Variants in CAMK4 observed in about 807,000 individuals in gnomAD.
The protein encoded by CAMK4 is calcium/calmodulin-dependent protein kinase type IV.
Under a neutral mutation model 44.9 loss-of-function variants are expected in CAMK4, and 22 were observed. That is an observed-to-expected ratio of 0.49 (90% CI 0.35 to 0.70). CAMK4 has a LOEUF of 0.70. CAMK4 is among the 30% of genes least tolerant of loss of function. The probability of loss-of-function intolerance (pLI) is 0.01; values close to 1 mark genes in which losing one functional copy is unlikely to be tolerated. For synonymous variants in CAMK4, 218 were observed against 215.4 expected (o/e 1.01, Z -0.11); for missense variants, 498 against 586.8 (o/e 0.85, Z 1.56).
At chr5:111,395,226 A>G (rs141278112) in intron 5 of CAMK4, among the ~76,000 whole-genome samples, 2 of 107,174 alleles carry the variant, frequency 1.9e-5, no homozygotes, top group Non-Finnish European at 3.7e-5. Flanking sequence ...AAAAAAAAAA[A>G]AGAAAAAAAA....
At chr5:111,442,517 CATATATATAT>C (rs58032491) in intron 5 of CAMK4, among the ~76,000 whole-genome samples, 56 of 142,072 alleles carry the variant, frequency 3.9e-4, no homozygotes, top group African/African-American at 1.3e-3. Flanking sequence ...AAAACCAAAA[CATATATATAT>C]ATATATATAT....
At chr5:111,229,958 AG>A (rs779377353) in intron 1 of CAMK4, among the ~76,000 whole-genome samples, 1 of 152,330 alleles carries the variant, frequency 6.6e-6, no homozygotes, top group East Asian at 1.9e-4. Flanking sequence ...CATGTCTAGC[AG>A]AGCACTTAGT....
intron 2 of CAMK4, 96 bp from the exon 3 acceptor site, chr5:111,374,754 G>T (rs1470854414): frequency 1.3e-6 from 1 of 759,058 alleles, no homozygotes; most frequent in Non-Finnish European, 2.4e-6. Context: ...TCTGCGAATT[G>T]CCTGATTCAC....
intron 5 of CAMK4, among the ~76,000 whole-genome samples, chr5:111,415,770 T>C (rs1752792858): frequency 6.6e-6 from 1 of 152,208 alleles, no homozygotes; most frequent in Non-Finnish European, 1.5e-5. Flanking sequence ...TATAAATCTC[T>C]AGGTTCCACA....
chr5:111,413,361 G>A (rs1362446262), intron 5 of CAMK4, among the ~76,000 whole-genome samples: 1 of 152,036 alleles, frequency 6.6e-6, no homozygotes, highest in Non-Finnish European at 1.5e-5. Flanking sequence ...GGCAGATCTC[G>A]AGGTCAGGAG....
rs1755804158 is a variant in CAMK4, at chr5:111,491,019, A to T, written c.*6553A>T. The T allele has an allele frequency of 6.6e-6, 1 of 152,200 alleles. No individual in the cohort carries two copies. Among genetic ancestry groups the T allele is most frequent in the South Asian group, 2.1e-4 (1 of 4,834 alleles). 9.4% of individuals were successfully genotyped at this position (152,200 alleles called of 1,614,324 possible). ...AAGATTATTAGTAAACAAATTAGTTATTTATGCTCTTACTTGAATGTCAGT... is the reference window on the plus strand; with the variant it reads ...AAGATTATTAGTAAACAAATTAGTTTTTTATGCTCTTACTTGAATGTCAGT... On this transcript the variant is annotated 3_prime_UTR_variant, in exon 11 of 11. Coordinates refer to ENST00000282356, the MANE Select transcript of CAMK4 (RefSeq NM_001744.6).
intron 4 of CAMK4, among the ~76,000 whole-genome samples, chr5:111,391,059 G>T (rs146216166): frequency 1.5e-3 from 222 of 152,278 alleles, no homozygotes; most frequent in African/African-American, 5.0e-3. Flanking sequence ...TACAAGGGGT[G>T]CACCTGCAGT....
chr5:111,301,012 A>G (rs940278053), intron 1 of CAMK4, among the ~76,000 whole-genome samples: 1 of 152,100 alleles, frequency 6.6e-6, no homozygotes, highest in African/African-American at 2.4e-5. Flanking sequence ...CAAATTTGCA[A>G]TTTGAACTGA....
chr5:111,288,679 T>C (rs960714984), intron 1 of CAMK4, among the ~76,000 whole-genome samples: 11 of 152,238 alleles, frequency 7.2e-5, no homozygotes, highest in African/African-American at 2.7e-4. Context: ...TTTCCTCTTA[T>C]GGCAGAACAT....
Position 111,317,125 on chromosome 5 carries a change from A to G in CAMK4, c.162-26899A>G, listed in dbSNP as rs1250251911. ...ACCGAAGACACCATGGGCTTCTGAT[A>G]CCTGTAAGAGGGACTAAATATTAAT... On this transcript the variant is annotated intron_variant, in intron 1 of 10. Transcript: ENST00000282356. Among the ~76,000 whole-genome samples, 4 of 152,250 alleles carry G rather than the reference A, an allele frequency of 2.6e-5. No homozygotes were observed. The East Asian group carries it at 7.7e-4, about 29-fold the overall frequency.
chr5:111,427,406 A>G lies in CAMK4; in HGVS notation c.460-19280A>G, dbSNP rs564502190. On this transcript the variant is annotated intron_variant, in intron 5 of 10. Transcript: ENST00000282356. Reference sequence around the variant, plus strand: ...CCTGTGAAAGTTTCTGGCTTCAGATACCACCACCACCTCAGCGGGGGTAGA... The same window carrying G: ...CCTGTGAAAGTTTCTGGCTTCAGATGCCACCACCACCTCAGCGGGGGTAGA... Among the ~76,000 whole-genome samples, 20 of 152,276 alleles carry G rather than the reference A, an allele frequency of 1.3e-4. 1 individual carries two copies. In the South Asian group the frequency reaches 1.9e-3, roughly 14 times the overall value.
At chr5:111,310,177 C>T (rs1748139007) in intron 1 of CAMK4, among the ~76,000 whole-genome samples, 1 of 152,152 alleles carries the variant, frequency 6.6e-6, no homozygotes, top group Admixed American at 6.6e-5. Context: ...CCTGTATCCC[C>T]ACCTGTGCAA....
At chr5:111,436,034 A>T (rs905957059) in intron 5 of CAMK4, among the ~76,000 whole-genome samples, 1 of 152,120 alleles carries the variant, frequency 6.6e-6, no homozygotes, top group African/African-American at 2.4e-5. Flanking sequence ...CTAGACACCT[A>T]GCTTTTTCTG....
At chr5:111,403,495 G>C (rs1170341596) in intron 5 of CAMK4, among the ~76,000 whole-genome samples, 2 of 152,100 alleles carry the variant, frequency 1.3e-5, no homozygotes, top group East Asian at 3.9e-4. Flanking sequence ...AGTTTTAAGA[G>C]TTGAAGCACT....
chr5:111,443,267 TATATATATATATACACACAC>T (rs1482773892), intron 5 of CAMK4, among the ~76,000 whole-genome samples: 219 of 48,798 alleles, frequency 4.5e-3, no homozygotes, highest in East Asian at 0.021. Context: ...TATATATATA[TATATATATATATACACACAC>T]ACACACACAC....
At chr5:111,251,651 C>T (rs1863973) in intron 1 of CAMK4, among the ~76,000 whole-genome samples, 33,114 of 152,130 alleles carry the variant, frequency 0.22, 4,090 homozygotes, top group African/African-American at 0.34. Flanking sequence ...TATGTCTATG[C>T]TTTTCCTTTG....
At chr5:111,465,064 T>G (rs974112664) in intron 7 of CAMK4, among the ~76,000 whole-genome samples, 2 of 152,156 alleles carry the variant, frequency 1.3e-5, no homozygotes, top group Non-Finnish European at 2.9e-5. Context: ...CCTTGCAACA[T>G]CCATTCACAA....
intron 5 of CAMK4, among the ~76,000 whole-genome samples, chr5:111,426,082 T>G (rs1753216619): frequency 7.1e-6 from 1 of 141,510 alleles, no homozygotes; most frequent in Non-Finnish European, 1.6e-5. Context: ...TAACAATTTT[T>G]TTAAGTATTC....
chr5:111,473,419 A>G (rs1314725593), intron 8 of CAMK4, 33 bp downstream of exon 8: 10 of 1,340,858 alleles, frequency 7.5e-6, no homozygotes, highest in East Asian at 6.9e-5. Flanking sequence ...TATGTAAACT[A>G]TTTACCTTGC....
Sources: allele counts gnomAD v4.1 joint callset (sites outside exome capture counted in the v4.1 genomes callset), GRCh38; gene constraint gnomAD v4.1.1; transcripts MANE v1.5; gene names NCBI Gene and HGNC (gene_info 2026-07-23, HGNC 2026-07-21).